Variants in GNAQ observed in about 807,000 individuals in gnomAD.
GNAQ encodes guanine nucleotide-binding protein G(q) subunit alpha.
In GNAQ, 8 loss-of-function variants were observed where a neutral mutation model predicts 43.9. The observed-to-expected ratio is 0.18, with a 90% CI of 0.11 to 0.33. The LOEUF (loss-of-function observed/expected upper bound fraction) is 0.33, where lower values mean the gene tolerates loss of function less well. GNAQ is among the 10% of genes least tolerant of loss of function. The pLI is 1.00. For synonymous variants in GNAQ, 155 were observed against 170.7 expected, an observed-to-expected ratio of 0.91 and a Z score of 0.71; for missense variants, 158 against 450.8, an observed-to-expected ratio of 0.35 and a Z score of 5.88.
At chr9:77,891,566 T>C (rs185376699) in intron 2 of GNAQ, among the ~76,000 whole-genome samples, 186 of 152,312 alleles carry the variant, frequency 1.2e-3, no homozygotes, top group South Asian at 7.5e-3. Flanking sequence ...TATTATACGA[T>C]TGTCATCTAG....
intron 5 of GNAQ, among the ~76,000 whole-genome samples, chr9:77,757,736 A>G (rs1426615410): frequency 6.6e-6 from 1 of 152,220 alleles, no homozygotes; most frequent in African/African-American, 2.4e-5. Flanking sequence ...ATGTAAGTCC[A>G]TTAATGACAT....
intron 2 of GNAQ, among the ~76,000 whole-genome samples, chr9:77,869,343 T>C (rs1202233794): frequency 6.6e-6 from 1 of 152,178 alleles, no homozygotes; most frequent in Non-Finnish European, 1.5e-5. Flanking sequence ...CCAACCTCAG[T>C]GCATAAGGAG....
At chr9:77,984,446 C>T (rs549583517) in intron 1 of GNAQ, among the ~76,000 whole-genome samples, 1 of 152,226 alleles carries the variant, frequency 6.6e-6, no homozygotes, top group South Asian at 2.1e-4. Flanking sequence ...AGGCGTGAGC[C>T]ACCACATCCA....
At chr9:77,977,008 T>G (rs1823311247) in intron 1 of GNAQ, among the ~76,000 whole-genome samples, 1 of 152,204 alleles carries the variant, frequency 6.6e-6, no homozygotes, top group African/African-American at 2.4e-5. Context: ...CAATTCCTGA[T>G]AGAGAAATCT....
chr9:77,940,743 G>A (rs1052302599), intron 1 of GNAQ, among the ~76,000 whole-genome samples: 40 of 152,058 alleles, frequency 2.6e-4, no homozygotes, highest in Admixed American at 1.6e-3. Context: ...CGAGGCAGGC[G>A]GATCACGAGG....
intron 1 of GNAQ, among the ~76,000 whole-genome samples, chr9:77,973,235 C>T (rs772440246): frequency 7.2e-5 from 11 of 152,134 alleles, no homozygotes; most frequent in Non-Finnish European, 1.3e-4. Context: ...ACAGAACTCA[C>T]GACATCAGCC....
intron 2 of GNAQ, among the ~76,000 whole-genome samples, chr9:77,851,392 T>C (rs1242794547): frequency 6.6e-6 from 1 of 152,160 alleles, no homozygotes; most frequent in Non-Finnish European, 1.5e-5. Context: ...TTCTGATATG[T>C]GTCATTATCT....
At chr9:77,927,058 A>C (rs1009127297) in intron 1 of GNAQ, among the ~76,000 whole-genome samples, 1 of 152,136 alleles carries the variant, frequency 6.6e-6, no homozygotes, top group African/African-American at 2.4e-5. Flanking sequence ...AGAATACATC[A>C]CATTAGACAC....
intron 2 of GNAQ, among the ~76,000 whole-genome samples, chr9:77,877,558 A>G (rs968581544): frequency 1.3e-5 from 2 of 152,228 alleles, no homozygotes; most frequent in African/African-American, 2.4e-5. Context: ...ATAAATGTAT[A>G]TCTTCCACCA....
intron 3 of GNAQ, among the ~76,000 whole-genome samples, chr9:77,806,716 T>G (rs190976893): frequency 3.9e-5 from 6 of 152,300 alleles, no homozygotes; most frequent in Non-Finnish European, 5.9e-5. Context: ...CAGAACTTCC[T>G]TTTTCCTCTA....
chr9:77,948,626 C>T (rs925904595), intron 1 of GNAQ, among the ~76,000 whole-genome samples: 5 of 152,154 alleles, frequency 3.3e-5, no homozygotes, highest in South Asian at 2.1e-4. Flanking sequence ...AAAGAACGAC[C>T]GCTACTGTTG....
chr9:77,767,759 A>G (rs1303295597), intron 5 of GNAQ, among the ~76,000 whole-genome samples: 3 of 152,178 alleles, frequency 2.0e-5, no homozygotes, highest in Non-Finnish European at 4.4e-5. Flanking sequence ...TTTTATATGC[A>G]CATCCTCCCC....
At chr9:77,932,779 T>A (rs1314115176) in intron 1 of GNAQ, among the ~76,000 whole-genome samples, 2 of 152,012 alleles carry the variant, frequency 1.3e-5, no homozygotes, top group Non-Finnish European at 2.9e-5. Flanking sequence ...CCTTGGAAAG[T>A]CTGAACCAGT....
rs533409694 is a variant in GNAQ, at chr9:77,729,503, GA to G, written c.736-837del. 8.1e-5 allele frequency among the ~76,000 whole-genome samples: 12 copies of G among 147,576 alleles called. 1 individual carries two copies. In the South Asian group the frequency reaches 1.9e-3, roughly 24 times the overall value. ...TGTTCCTGAGTTAAATCATTCCTCTGAAAAAAAAAACATATCAGCCAAAAAC... is the reference window on the plus strand; with the variant it reads ...TGTTCCTGAGTTAAATCATTCCTCTGAAAAAAAAACATATCAGCCAAAAAC... On this transcript the variant is annotated intron_variant, in intron 5 of 6. Transcript: ENST00000286548.
chr9:77,718,725 A>ATTTTTT lies in GNAQ; in HGVS notation c.*2597_*2598insAAAAAA, dbSNP rs1483870270. 1 of 94,020 alleles carries ATTTTTT rather than the reference A, an allele frequency of 1.1e-5. No individual in the cohort carries two copies. The highest frequency in any genetic ancestry group is 4.4e-5 in the African/African-American group (1 of 22,774). 5.8% of individuals were successfully genotyped at this position (94,020 alleles called of 1,614,324 possible). A position where few individuals can be genotyped will look rare whatever the true frequency, so the allele number is the denominator to read the frequency against. ...TGTAGGCCTTCAAATGTTGTTGTTT[A>ATTTTTT]ATTTTTTTTTTTTTTTTTTTTTTTT... On this transcript the variant is annotated 3_prime_UTR_variant, in exon 7 of 7. Coordinates refer to ENST00000286548, the MANE Select transcript of GNAQ (RefSeq NM_002072.5).
chr9:77,777,417 T>C (rs1041326537), intron 5 of GNAQ, among the ~76,000 whole-genome samples: 1 of 152,076 alleles, frequency 6.6e-6, no homozygotes, highest in Non-Finnish European at 1.5e-5. Flanking sequence ...TAGGTGTAAA[T>C]CTTTGTCACC....
At chr9:77,925,669 G>C (rs1231731650) in intron 1 of GNAQ, among the ~76,000 whole-genome samples, 1 of 152,112 alleles carries the variant, frequency 6.6e-6, no homozygotes, top group Non-Finnish European at 1.5e-5. Context: ...CAAAGTGAAG[G>C]CAAAGTTTCA....
intron 1 of GNAQ, among the ~76,000 whole-genome samples, chr9:78,019,939 A>G (rs7852210): frequency 0.21 from 32,031 of 149,046 alleles, 3,731 homozygotes; most frequent in South Asian, 0.38. Flanking sequence ...AAAAAAAAAA[A>G]AAAGAAAGAA....
At chr9:77,830,062 C>A (rs1564123557) in intron 2 of GNAQ, among the ~76,000 whole-genome samples, 1 of 152,042 alleles carries the variant, frequency 6.6e-6, no homozygotes, top group African/African-American at 2.4e-5. Context: ...AGGTGATGTT[C>A]CCATCTTAGC....
Sources: gnomAD v4.1 joint callset for allele counts (sites outside exome capture counted in the v4.1 genomes callset) on GRCh38, gnomAD v4.1.1 for gene constraint, MANE v1.5 for transcripts, NCBI Gene and HGNC (gene_info 2026-07-23, HGNC 2026-07-21) for gene names.